Variants in CENPP observed in about 807,000 individuals in gnomAD.
CENPP encodes centromere protein P.
Under a neutral mutation model 35.6 loss-of-function variants are expected in CENPP, and 24 were observed. The observed-to-expected ratio is 0.67, with a 90% CI of 0.49 to 0.95. CENPP has a LOEUF of 0.95. Among genes scored for constraint, CENPP ranks in the 40% least tolerant of loss-of-function variants. CENPP has a pLI of 0.00. For synonymous variants in CENPP, 120 were observed against 125.5 expected (o/e 0.96, Z 0.29); for missense variants, 332 against 345.3 (o/e 0.96, Z 0.31).
intron 5 of CENPP, chr9:92,502,483 A>C: frequency 6.2e-7 from 1 of 1,606,858 alleles, no homozygotes; most frequent in Non-Finnish European, 8.5e-7. Flanking sequence ...GAAATAGTTC[A>C]ATAAAATTTA....
intron 3 of CENPP, among the ~76,000 whole-genome samples, chr9:92,343,894 T>C (rs949913368): frequency 7.1e-6 from 1 of 140,848 alleles, no homozygotes. Context: ...GCCCACAAAT[T>C]CAAGGTCACA....
chr9:92,546,868 T>G (rs1158878590), intron 5 of CENPP, among the ~76,000 whole-genome samples: 1 of 152,040 alleles, frequency 6.6e-6, no homozygotes, highest in African/African-American at 2.4e-5. Flanking sequence ...GGATATTGAG[T>G]TCATAATTTC....
At chr9:92,416,445 A>G (rs552034442) in intron 5 of CENPP, among the ~76,000 whole-genome samples, 1 of 152,288 alleles carries the variant, frequency 6.6e-6, no homozygotes, top group Non-Finnish European at 1.5e-5. Context: ...AATAAAAAGG[A>G]CTATAAACTG....
At chr9:92,612,405 G>A (rs545941711) in intron 6 of CENPP, 118 bp from the exon 7 acceptor site, 26 of 741,930 alleles carry the variant, frequency 3.5e-5, no homozygotes, top group Middle Eastern at 2.3e-4. Context: ...GCTGTGGATT[G>A]GGGTTTCTAG....
Position 92,543,603 on chromosome 9 carries a change from G to A in CENPP, c.565-67711G>A, listed in dbSNP as rs12377783. ...CATTGAAAAAAAAAGTTGAAATTTC[G>A]ATAGGAATTACATAAAATCTGTAGA... On this transcript the variant is annotated intron_variant, in intron 5 of 7. Coordinates refer to ENST00000375587, the MANE Select transcript of CENPP (RefSeq NM_001012267.3). Among the ~76,000 whole-genome samples, 30 of 149,156 alleles carry A rather than the reference G, an allele frequency of 2.0e-4. No homozygotes were observed. The East Asian group carries it at 2.4e-3, about 12-fold the overall frequency.
At chr9:92,525,645 C>T (rs942865811) in intron 5 of CENPP, among the ~76,000 whole-genome samples, 1 of 152,148 alleles carries the variant, frequency 6.6e-6, no homozygotes, top group African/African-American at 2.4e-5. Flanking sequence ...AATCCCAGCA[C>T]TTTGGGAGGC....
At chr9:92,441,667 G>A (rs773297830) in intron 5 of CENPP, among the ~76,000 whole-genome samples, 13 of 152,120 alleles carry the variant, frequency 8.5e-5, no homozygotes, top group South Asian at 2.1e-4. Context: ...GCTGAGGCAC[G>A]AGAGTCACTT....
At chr9:92,351,537 T>C (rs1188234350) in intron 4 of CENPP, among the ~76,000 whole-genome samples, 4 of 151,804 alleles carry the variant, frequency 2.6e-5, no homozygotes, top group Non-Finnish European at 2.9e-5. Flanking sequence ...ACTTCCTCCC[T>C]CTCCTCATCC....
chr9:92,454,790 T>TC (rs1844826596), intron 5 of CENPP, among the ~76,000 whole-genome samples: 2 of 152,282 alleles, frequency 1.3e-5, no homozygotes, highest in South Asian at 4.1e-4. Context: ...CCCAAGACTA[T>TC]AAATGGAACT....
At chr9:92,487,514 G>A (rs1846088107) in intron 5 of CENPP, among the ~76,000 whole-genome samples, 1 of 152,176 alleles carries the variant, frequency 6.6e-6, no homozygotes, top group East Asian at 1.9e-4. Flanking sequence ...TTTCCTTACA[G>A]AAGAATGTCA....
At chr9:92,464,505 C>T (rs1409953244) in intron 5 of CENPP, among the ~76,000 whole-genome samples, 2 of 152,238 alleles carry the variant, frequency 1.3e-5, no homozygotes, top group Admixed American at 1.3e-4. Context: ...CCAGGGGCTG[C>T]CCAGTCTGGG....
intron 5 of CENPP, among the ~76,000 whole-genome samples, chr9:92,482,049 C>T (rs1016213229): frequency 6.6e-6 from 1 of 151,294 alleles, no homozygotes; most frequent in African/African-American, 2.4e-5. Context: ...CAGGTTTTCA[C>T]TTAGCTGAAA....
intron 5 of CENPP, among the ~76,000 whole-genome samples, chr9:92,431,568 C>CT (rs1348171045): frequency 6.6e-6 from 1 of 151,746 alleles, no homozygotes; most frequent in Non-Finnish European, 1.5e-5. Context: ...ACTCATTTTT[C>CT]TTTTCTTTTC....
intron 5 of CENPP, among the ~76,000 whole-genome samples, chr9:92,412,833 C>T (rs1441167577): frequency 7.2e-5 from 11 of 152,004 alleles, no homozygotes; most frequent in Admixed American, 7.2e-4. Context: ...TTTGTTTATC[C>T]ATTGATGGAC....
chr9:92,370,781 C>T (rs193224719), intron 4 of CENPP, among the ~76,000 whole-genome samples: 181 of 152,298 alleles, frequency 1.2e-3, no homozygotes, highest in African/African-American at 4.0e-3. Context: ...CACACCCAAC[C>T]TAGACTTCTT....
intron 5 of CENPP, among the ~76,000 whole-genome samples, chr9:92,455,597 G>A (rs1195576924): frequency 1.3e-5 from 2 of 151,932 alleles, no homozygotes; most frequent in African/African-American, 2.4e-5. Flanking sequence ...TCTTAACCTC[G>A]AAATCCAAAC....
chr9:92,412,931 G>A (rs1843484197), intron 5 of CENPP, among the ~76,000 whole-genome samples: 1 of 150,552 alleles, frequency 6.6e-6, no homozygotes, highest in African/African-American at 2.5e-5. Flanking sequence ...AGTTCTATTG[G>A]GTATATAGTT....
chr9:92,605,669 C>G (rs1851058622), intron 5 of CENPP, among the ~76,000 whole-genome samples: 1 of 152,118 alleles, frequency 6.6e-6, no homozygotes, highest in South Asian at 2.1e-4. Context: ...AAAGACCTAA[C>G]TTTAAGAGCT....
At chr9:92,325,952 C>G, upstream of CENPP, 1 of 1,476,544 alleles carries the variant, frequency 6.8e-7, no homozygotes, top group Non-Finnish European at 9.2e-7. Flanking sequence ...GCGCGCAGGT[C>G]GGAGTGACAG....
Sources: gnomAD v4.1 joint callset for allele counts (sites outside exome capture counted in the v4.1 genomes callset) on GRCh38, gnomAD v4.1.1 for gene constraint, MANE v1.5 for transcripts, NCBI Gene and HGNC (gene_info 2026-07-23, HGNC 2026-07-21) for gene names.